The following NAALADL2 variants were observed in gnomAD, a reference collection of about 807,000 sequenced individuals.
The protein encoded by NAALADL2 is N-acetylated alpha-linked acidic dipeptidase like 2.
A neutral mutation model predicts 87.2 loss-of-function variants in NAALADL2; 76 were observed. The ratio of observed to expected loss-of-function variants is 0.87; its 90% CI spans 0.72 to 1.05. The LOEUF is 1.05. Ranked by LOEUF, NAALADL2 falls within the 50% of genes least tolerant of loss-of-function variation. NAALADL2 has a pLI of 0.00. For missense variants in NAALADL2, 1,089 were observed against 945.8 expected (o/e 1.15, Z -1.99); for synonymous variants, 354 against 331.0 (o/e 1.07, Z -0.75).
chr3:174,779,710 C>T (rs915611871), intron 3 of NAALADL2, among the ~76,000 whole-genome samples: 1 of 152,196 alleles, frequency 6.6e-6, no homozygotes. Flanking sequence ...GTTTTTCCAA[C>T]ACCATTTATT....
intron 2 of NAALADL2, among the ~76,000 whole-genome samples, chr3:174,693,743 A>G (rs1170844483): frequency 2.0e-5 from 3 of 152,134 alleles, no homozygotes; most frequent in Non-Finnish European, 4.4e-5. Flanking sequence ...TAAGGAGGAA[A>G]GTTTAAAAGT....
At chr3:175,209,194 T>C (rs1437818810) in intron 2 of NAALADL2, among the ~76,000 whole-genome samples, 1 of 152,082 alleles carries the variant, frequency 6.6e-6, no homozygotes, top group African/African-American at 2.4e-5. Flanking sequence ...ATGGTAAATA[T>C]TGGTTTTCTG....
intron 2 of NAALADL2, among the ~76,000 whole-genome samples, chr3:175,116,756 A>T (rs1725265775): frequency 1.3e-5 from 2 of 151,808 alleles, no homozygotes. Flanking sequence ...CAAAAAAACC[A>T]AAAACTTTAA....
intron 5 of NAALADL2, among the ~76,000 whole-genome samples, chr3:175,380,245 A>G (rs576456149): frequency 6.6e-5 from 10 of 152,200 alleles, no homozygotes; most frequent in Admixed American, 6.5e-4. Flanking sequence ...ACTGACATCC[A>G]TGTCCCCTTT....
intron 1 of NAALADL2, among the ~76,000 whole-genome samples, chr3:174,884,840 A>G (rs1227932222): frequency 6.6e-6 from 1 of 152,110 alleles, no homozygotes; most frequent in Non-Finnish European, 1.5e-5. Flanking sequence ...TCTCAACCTC[A>G]TCTCTAGGGG....
intron 2 of NAALADL2, among the ~76,000 whole-genome samples, chr3:175,160,830 A>G (rs189351427): frequency 6.6e-6 from 1 of 152,210 alleles, no homozygotes; most frequent in South Asian, 2.1e-4. Context: ...AAAAGAATTT[A>G]TGCCAACTTG....
intron 5 of NAALADL2, among the ~76,000 whole-genome samples, chr3:175,383,590 C>A (rs1768032586): frequency 6.6e-6 from 1 of 151,876 alleles, no homozygotes; most frequent in Non-Finnish European, 1.5e-5. Flanking sequence ...ATATATAAAT[C>A]TGTTTTGTTT....
intron 9 of NAALADL2, among the ~76,000 whole-genome samples, chr3:175,493,532 A>G (rs917663561): frequency 3.3e-5 from 5 of 152,140 alleles, no homozygotes; most frequent in African/African-American, 1.2e-4. Flanking sequence ...AACATAAGTT[A>G]ATCATTTAAC....
intron 11 of NAALADL2, among the ~76,000 whole-genome samples, chr3:175,704,075 T>G (rs1246019847): frequency 6.6e-6 from 1 of 152,134 alleles, no homozygotes; most frequent in African/African-American, 2.4e-5. Flanking sequence ...AGGAAAAACT[T>G]TCTTTCCTCT....
At chr3:175,622,248 A>G (rs1726330901) in intron 10 of NAALADL2, among the ~76,000 whole-genome samples, 1 of 152,152 alleles carries the variant, frequency 6.6e-6, no homozygotes, top group African/African-American at 2.4e-5. Flanking sequence ...TTTATATTTA[A>G]TACTCATCTA....
intron 1 of NAALADL2, among the ~76,000 whole-genome samples, chr3:175,044,934 T>A (rs1754494786): frequency 6.6e-6 from 1 of 152,000 alleles, no homozygotes; most frequent in South Asian, 2.1e-4. Flanking sequence ...TTTCTGATTT[T>A]TTTTTTTTCA....
chr3:175,409,074 G>C (rs112715566), intron 5 of NAALADL2, among the ~76,000 whole-genome samples: 83 of 151,718 alleles, frequency 5.5e-4, no homozygotes, highest in Middle Eastern at 3.4e-3. Context: ...AGCCACTATT[G>C]TATTTTCTTA....
At chr3:174,643,450 G>A (rs1036316176) in intron 2 of NAALADL2, among the ~76,000 whole-genome samples, 1 of 152,026 alleles carries the variant, frequency 6.6e-6, no homozygotes. Context: ...TCAGGAGTTC[G>A]AGACCAGCCT....
chr3:175,133,358 G>A (rs1315543030), intron 2 of NAALADL2, among the ~76,000 whole-genome samples: 4 of 152,194 alleles, frequency 2.6e-5, no homozygotes, highest in Non-Finnish European at 5.9e-5. Context: ...CACTTTGGGA[G>A]GCCAAGGCAG....
chr3:175,560,348 G>T (rs6810138), intron 9 of NAALADL2, among the ~76,000 whole-genome samples: 19,662 of 151,804 alleles, frequency 0.13, 1,371 homozygotes, highest in Middle Eastern at 0.17. Flanking sequence ...CTGGCTAAAG[G>T]TTCGACAATT....
At chr3:174,462,631 TTGTTA>T (rs1716283176) in intron 1 of NAALADL2, among the ~76,000 whole-genome samples, 1 of 152,088 alleles carries the variant, frequency 6.6e-6, no homozygotes, top group South Asian at 2.1e-4. Context: ...TAAGTCAGTG[TTGTTA>T]GAGAGGTGTC....
At chr3:174,458,803 C>T (rs1055256319) in intron 1 of NAALADL2, among the ~76,000 whole-genome samples, 1 of 152,182 alleles carries the variant, frequency 6.6e-6, no homozygotes, top group African/African-American at 2.4e-5. Flanking sequence ...AACCTAATAG[C>T]CCAATGAATA....
In NAALADL2 at chr3:174,481,890, A is replaced by G. The variant is rs146760399; in HGVS notation, c.-184+40858A>G. 1.9e-3 allele frequency among the ~76,000 whole-genome samples: 287 copies of G among 152,180 alleles called. 1 individual carries two copies. Among genetic ancestry groups the G allele is most frequent in the African/African-American group, 6.6e-3 (275 of 41,550 alleles). On this transcript the variant is annotated intron_variant, in intron 1 of 3. Coordinates refer to the NAALADL2 transcript ENST00000434257. Reference sequence around the variant, plus strand: ...GTTTTTATTGGGGGCTGGTCATGTCAGCATCCTCTGGCCAGGTGCATCCCA... The same window carrying G: ...GTTTTTATTGGGGGCTGGTCATGTCGGCATCCTCTGGCCAGGTGCATCCCA...
At chr3:175,614,306 C>A (rs931724772) in intron 10 of NAALADL2, among the ~76,000 whole-genome samples, 1 of 152,222 alleles carries the variant, frequency 6.6e-6, no homozygotes, top group African/African-American at 2.4e-5. Context: ...CCGCCTCGGC[C>A]TCCCAAAGTG....
Sources: allele counts gnomAD v4.1 joint callset (sites outside exome capture counted in the v4.1 genomes callset), GRCh38; gene constraint gnomAD v4.1.1; transcripts MANE v1.5; gene names NCBI Gene and HGNC (gene_info 2026-07-23, HGNC 2026-07-21).